Variants in JCAD observed in about 807,000 individuals in gnomAD.
JCAD encodes the protein junctional cadherin 5-associated protein.
Under a neutral mutation model 98.0 loss-of-function variants are expected in JCAD, and 40 were observed. The observed-to-expected ratio is 0.41, with a 90% CI of 0.32 to 0.53. JCAD has a LOEUF of 0.53. Among genes scored for constraint, JCAD ranks in the 20% least tolerant of loss-of-function variants. JCAD has a pLI of 0.31. For missense variants in JCAD, 1,705 were observed against 1,738.1 expected (o/e 0.98, Z 0.34); for synonymous variants, 691 against 682.3 (o/e 1.01, Z -0.20).
At chr10:30,046,614 A>G (rs1471823429) in intron 2 of JCAD, among the ~76,000 whole-genome samples, 1 of 152,232 alleles carries the variant, frequency 6.6e-6, no homozygotes, top group African/African-American at 2.4e-5. Flanking sequence ...AGCTTTTACA[A>G]AGTTCTAAAA....
chr10:30,031,825 G>A (rs1470337160), intron 2 of JCAD, among the ~76,000 whole-genome samples: 1 of 142,442 alleles, frequency 7.0e-6, no homozygotes, highest in East Asian at 2.1e-4. Flanking sequence ...TGGGATCTCG[G>A]CTCACTGCAA....
rs1836886883 is a variant in JCAD, at chr10:30,028,295, G to GCCGGGCTCTTATCAGAC, written c.1836_1852dup (p.Ala618GlyfsTer14). 2 of 1,614,104 alleles carry GCCGGGCTCTTATCAGAC rather than the reference G, an allele frequency of 1.2e-6. No individual in the cohort carries two copies. The highest frequency in any genetic ancestry group is 2.2e-5 in the East Asian group (1 of 44,896). ...GCTCAGCAGACTCTGTTCTTGCAGA[G>GCCGGGCTCTTATCAGAC]CCGGGCTCTTATCAGACCCATTCTT... On this transcript the variant is annotated frameshift_variant, in exon 3 of 4. Coordinates refer to ENST00000375377, the MANE Select transcript of JCAD (RefSeq NM_020848.4). LOFTEE classifies it high-confidence loss of function.
rs1419520411 is a variant in JCAD at position 30,027,967 on chromosome 10, G to A, written c.2181C>T (p.Ala727=). ...ATGCTGTGTGCGTCTGAGCTTCGGA[G>A]GCAGCAGGGTCTGAACATTTTGGAC... ...ALSPKCSDPA[A]SEAQTHTAFP... The change falls in exon 3 of 4, where the codon GCC becomes GCT. Residue 727 remains alanine (A), a synonymous_variant. Coordinates refer to ENST00000375377, the MANE Select transcript of JCAD (RefSeq NM_020848.4). 6.8e-6 allele frequency: 11 copies of A among 1,614,116 alleles called. No homozygotes were observed. The highest frequency in any genetic ancestry group is 9.3e-6 in the Non-Finnish European group (11 of 1,180,056).
Position 30,027,831 on chromosome 10 carries a change from G to C in JCAD, c.2317C>G (p.Gln773Glu). The change falls in exon 3 of 4, where the codon CAG becomes GAG. Residue 773 changes from glutamine (Q) to glutamate (E), a missense_variant. By Grantham distance (29) the Gln-to-Glu change is conservative (BLOSUM62 2). Coordinates refer to ENST00000375377, the MANE Select transcript of JCAD (RefSeq NM_020848.4). ...CGGCCTGCTTTTGGCGTCGGTGCCT[G>C]GTCCACGGACAAGGAAGTCCTTGAG... ...AFSRTSLSVD[Q>E]APTPKAGRSQ... 1 of 1,614,270 alleles carries C rather than the reference G, an allele frequency of 6.2e-7. No individual in the cohort carries two copies.
At chr10:30,053,652 T>A (rs1837513192) in intron 1 of JCAD, among the ~76,000 whole-genome samples, 2 of 152,076 alleles carry the variant, frequency 1.3e-5, no homozygotes, top group South Asian at 4.1e-4. Flanking sequence ...TCTCACTTCT[T>A]AGGATCTGTC....
intron 2 of JCAD, among the ~76,000 whole-genome samples, chr10:30,046,875 T>C (rs1469982549): frequency 6.6e-6 from 1 of 152,152 alleles, no homozygotes; most frequent in Non-Finnish European, 1.5e-5. Context: ...GAGGACTGCA[T>C]GAGGCCAGGA....
chr10:30,082,129 C>A (rs1838097649), intron 1 of JCAD, among the ~76,000 whole-genome samples: 1 of 152,088 alleles, frequency 6.6e-6, no homozygotes, highest in African/African-American at 2.4e-5. Flanking sequence ...ATTTATATCT[C>A]ACACATAATG....
intron 2 of JCAD, among the ~76,000 whole-genome samples, chr10:30,064,665 G>A (rs1291787263): frequency 6.7e-6 from 1 of 150,332 alleles, no homozygotes; most frequent in Admixed American, 6.6e-5. Flanking sequence ...AAAACCCCAC[G>A]TTCTCTCTTT....
In JCAD at chr10:30,030,940, G is replaced by C. The variant is rs558471170; in HGVS notation, c.282-1074C>G. Reference sequence around the variant, plus strand: ...CAATCAGGCATCCGAGACTCTCCAAGTGTCCCCGGAGATTCCCAGTGTGCA... The same window carrying C: ...CAATCAGGCATCCGAGACTCTCCAACTGTCCCCGGAGATTCCCAGTGTGCA... On this transcript the variant is annotated intron_variant, in intron 2 of 3. Coordinates refer to ENST00000375377, the MANE Select transcript of JCAD (RefSeq NM_020848.4). Among the ~76,000 whole-genome samples, 292 of 150,260 alleles carry C rather than the reference G, an allele frequency of 1.9e-3. 1 individual carries two copies. Among genetic ancestry groups the C allele is most frequent in the African/African-American group, 7.0e-3 (280 of 40,228 alleles).
intron 3 of JCAD, 42 bp from the exon 4 acceptor site, chr10:30,017,959 A>G: frequency 2.0e-6 from 3 of 1,487,444 alleles, no homozygotes; most frequent in Non-Finnish European, 2.8e-6. Flanking sequence ...GTTATATTCA[A>G]CTGCTCTATT....
At position 30,015,137 on chromosome 10, in the gene JCAD, T is replaced by C. The variant is rs1177405864; in HGVS notation, c.*2746A>G. ...TCTTTTGCAAATCAAGAAATACTAATCCATTGCATATGTAATCCCTCATAT... is the reference window on the plus strand; with the variant it reads ...TCTTTTGCAAATCAAGAAATACTAACCCATTGCATATGTAATCCCTCATAT... On this transcript the variant is annotated 3_prime_UTR_variant, in exon 4 of 4. Transcript: ENST00000375377. The C allele has an allele frequency of 6.6e-6, 1 of 152,238 alleles. No individual in the cohort carries two copies. The highest frequency in any genetic ancestry group is 6.5e-5 in the Admixed American group (1 of 15,286). 9.4% of individuals were successfully genotyped at this position (152,238 alleles called of 1,614,324 possible).
chr10:30,024,885 C>T (rs746713473), intron 3 of JCAD, among the ~76,000 whole-genome samples: 3 of 151,838 alleles, frequency 2.0e-5, no homozygotes, highest in African/African-American at 7.3e-5. Context: ...TCAGTAGAGA[C>T]GGAGTTTCAC....
At chr10:30,080,026 T>C (rs1440716290) in intron 1 of JCAD, among the ~76,000 whole-genome samples, 1 of 152,192 alleles carries the variant, frequency 6.6e-6, no homozygotes, top group African/African-American at 2.4e-5. Context: ...TCCTATAAGA[T>C]AATTTCCTTA....
intron 2 of JCAD, among the ~76,000 whole-genome samples, chr10:30,044,563 G>A (rs1314036418): frequency 1.3e-5 from 2 of 152,152 alleles, no homozygotes; most frequent in African/African-American, 4.8e-5. Context: ...GTCACTGTGT[G>A]GGATGGAGGA....
At chr10:30,079,949 C>G (rs1372841987) in intron 1 of JCAD, among the ~76,000 whole-genome samples, 1 of 151,974 alleles carries the variant, frequency 6.6e-6, no homozygotes, top group Non-Finnish European at 1.5e-5. Flanking sequence ...TCAAACAACC[C>G]CTCTTCCCAC....
chr10:30,079,359 A>AAG (rs1252001009), intron 1 of JCAD, among the ~76,000 whole-genome samples: 1 of 146,238 alleles, frequency 6.8e-6, no homozygotes, highest in African/African-American at 2.8e-5. Flanking sequence ...AAAAAAAAAA[A>AAG]AAAAAAAAGA....
At chr10:30,052,412 C>A (rs1837489188) in intron 1 of JCAD, among the ~76,000 whole-genome samples, 1 of 152,146 alleles carries the variant, frequency 6.6e-6, no homozygotes, top group African/African-American at 2.4e-5. Flanking sequence ...CTGTGATGAG[C>A]AGCAGGCATC....
chr10:30,041,298 C>A (rs190979729), intron 2 of JCAD, among the ~76,000 whole-genome samples: 1 of 152,156 alleles, frequency 6.6e-6, no homozygotes, highest in Non-Finnish European at 1.5e-5. Context: ...GAAAGAGAGG[C>A]TTTGCCTCGT....
At chr10:30,032,258 A>G (rs546941264) in intron 2 of JCAD, among the ~76,000 whole-genome samples, 36 of 152,168 alleles carry the variant, frequency 2.4e-4, no homozygotes, top group Non-Finnish European at 5.1e-4. Context: ...GTGAGCCTTT[A>G]AAAAATACCA....
Sources: allele counts gnomAD v4.1 joint callset (sites outside exome capture counted in the v4.1 genomes callset), GRCh38; gene constraint gnomAD v4.1.1; transcripts MANE v1.5; gene names NCBI Gene and HGNC (gene_info 2026-07-23, HGNC 2026-07-21).